The following ASIC2 variants were observed in gnomAD, a reference collection of about 807,000 sequenced individuals.
ASIC2 encodes the protein acid-sensing ion channel 2.
In ASIC2, 25 loss-of-function variants were observed where a neutral mutation model predicts 57.3. The ratio of observed to expected loss-of-function variants is 0.44; its 90% CI spans 0.32 to 0.61. ASIC2 has a LOEUF of 0.61. Ranked by LOEUF, ASIC2 falls within the 20% of genes least tolerant of loss-of-function variation. The pLI, the probability that ASIC2 is intolerant of heterozygous loss-of-function variation, is 0.06. For missense variants in ASIC2, 641 were observed against 738.1 expected (o/e 0.87, Z 1.52); for synonymous variants, 319 against 307.5 (o/e 1.04, Z -0.39).
chr17:33,349,926 A>G (rs1477816469), intron 1 of ASIC2, among the ~76,000 whole-genome samples: 1 of 152,076 alleles, frequency 6.6e-6, no homozygotes, highest in Non-Finnish European at 1.5e-5. Context: ...TATGAAAAAA[A>G]AAGCCTTGAT....
chr17:33,562,882 T>C (rs1916118771), intron 1 of ASIC2, among the ~76,000 whole-genome samples: 1 of 152,194 alleles, frequency 6.6e-6, no homozygotes, highest in Admixed American at 6.5e-5. Flanking sequence ...CAGGATAAAC[T>C]GGGCCTGAGT....
intron 1 of ASIC2, among the ~76,000 whole-genome samples, chr17:33,530,657 T>C (rs1354424065): frequency 1.3e-5 from 2 of 152,204 alleles, no homozygotes; most frequent in African/African-American, 4.8e-5. Flanking sequence ...GCTGCCAGGC[T>C]CAAGAGAGAG....
chr17:34,038,943 GCTC>G, intron 1 of ASIC2: 1 of 1,612,658 alleles, frequency 6.2e-7, no homozygotes, highest in Admixed American at 1.7e-5. Flanking sequence ...TCTGTCCACT[GCTC>G]AGTAAATTTG....
intron 1 of ASIC2, among the ~76,000 whole-genome samples, chr17:33,734,192 C>T (rs1279386847): frequency 2.6e-5 from 4 of 152,176 alleles, no homozygotes; most frequent in African/African-American, 4.8e-5. Flanking sequence ...CCAGTGCTCC[C>T]GTGTGAGGCC....
At chr17:33,246,584 G>A (rs1002696470) in intron 1 of ASIC2, among the ~76,000 whole-genome samples, 3 of 152,198 alleles carry the variant, frequency 2.0e-5, no homozygotes, top group East Asian at 1.9e-4. Flanking sequence ...AGGGCGCGGC[G>A]GGGTTCACCC....
chr17:33,702,082 C>T (rs1465282421), intron 1 of ASIC2, among the ~76,000 whole-genome samples: 1 of 152,158 alleles, frequency 6.6e-6, no homozygotes, highest in Non-Finnish European at 1.5e-5. Flanking sequence ...CCTTTCATTC[C>T]TCTTCAATGT....
chr17:33,904,266 T>C (rs1216717270), intron 1 of ASIC2, among the ~76,000 whole-genome samples: 1 of 151,508 alleles, frequency 6.6e-6, no homozygotes, highest in Non-Finnish European at 1.5e-5. Context: ...CATCAGCATC[T>C]TTTGGGAGCT....
At chr17:33,464,670 C>CT (rs1912796178) in intron 1 of ASIC2, among the ~76,000 whole-genome samples, 3 of 122,732 alleles carry the variant, frequency 2.4e-5, no homozygotes, top group African/African-American at 3.2e-5. Flanking sequence ...TCTCTCTCTC[C>CT]CTCTCTCTCT....
intron 2 of ASIC2, among the ~76,000 whole-genome samples, chr17:33,106,682 C>T (rs915205588): frequency 6.6e-6 from 1 of 152,168 alleles, no homozygotes; most frequent in African/African-American, 2.4e-5. Context: ...AACTAATTCC[C>T]CTGCCCACTG....
chr17:33,947,306 C>T (rs904585396), intron 1 of ASIC2, among the ~76,000 whole-genome samples: 3 of 152,154 alleles, frequency 2.0e-5, no homozygotes, highest in Non-Finnish European at 4.4e-5. Flanking sequence ...GCAGATTCTC[C>T]AGGAAAAGGA....
chr17:33,669,720 A>C (rs1220880362), intron 1 of ASIC2, among the ~76,000 whole-genome samples: 4 of 152,168 alleles, frequency 2.6e-5, no homozygotes, highest in African/African-American at 9.7e-5. Context: ...AAAACATTAA[A>C]CAAATGCATA....
At chr17:33,558,416 C>G (rs1915973139) in intron 1 of ASIC2, among the ~76,000 whole-genome samples, 1 of 152,142 alleles carries the variant, frequency 6.6e-6, no homozygotes, top group South Asian at 2.1e-4. Context: ...TGACCTTGAA[C>G]TTTTAGAGAT....
intron 1 of ASIC2, among the ~76,000 whole-genome samples, chr17:33,654,535 G>A (rs1199838434): frequency 6.6e-6 from 1 of 152,240 alleles, no homozygotes; most frequent in Non-Finnish European, 1.5e-5. Flanking sequence ...CCATGGTCTA[G>A]CAATGTGATG....
intron 1 of ASIC2, among the ~76,000 whole-genome samples, chr17:33,583,414 G>A (rs1904506359): frequency 6.6e-6 from 1 of 152,042 alleles, no homozygotes; most frequent in Non-Finnish European, 1.5e-5. Flanking sequence ...CTTATGTGTG[G>A]ACATTTCTCT....
chr17:33,518,125 G>A (rs995614320), intron 1 of ASIC2, among the ~76,000 whole-genome samples: 1 of 152,112 alleles, frequency 6.6e-6, no homozygotes, highest in Non-Finnish European at 1.5e-5. Context: ...GCCTCTTTTT[G>A]ATTTTTTTGG....
At chr17:33,024,514 T>C (rs2091851417) in intron 5 of ASIC2, among the ~76,000 whole-genome samples, 1 of 152,220 alleles carries the variant, frequency 6.6e-6, no homozygotes, top group African/African-American at 2.4e-5. Context: ...TCCCTGCATC[T>C]GGAACCCTTC....
At chr17:33,200,460 T>C (rs1029871715) in intron 1 of ASIC2, among the ~76,000 whole-genome samples, 2 of 152,188 alleles carry the variant, frequency 1.3e-5, no homozygotes, top group Non-Finnish European at 2.9e-5. Flanking sequence ...TTCAAGCCTG[T>C]CCAAAACTGA....
At chr17:34,022,827 C>T (rs138187317) in intron 1 of ASIC2, among the ~76,000 whole-genome samples, 26 of 152,232 alleles carry the variant, frequency 1.7e-4, no homozygotes, top group African/African-American at 5.8e-4. Flanking sequence ...TTTGAATTTG[C>T]GTCCAGGTCC....
chr17:33,731,198 A>C (rs1909730730), intron 1 of ASIC2, among the ~76,000 whole-genome samples: 1 of 152,240 alleles, frequency 6.6e-6, no homozygotes, highest in African/African-American at 2.4e-5. Flanking sequence ...AATGTTTAGC[A>C]GAGATTTACT....
Sources: allele counts gnomAD v4.1 joint callset (sites outside exome capture counted in the v4.1 genomes callset), GRCh38; gene constraint gnomAD v4.1.1; transcripts MANE v1.5; gene names NCBI Gene and HGNC (gene_info 2026-07-23, HGNC 2026-07-21).